Variants in DYNC2H1 observed in about 807,000 individuals in gnomAD.
DYNC2H1 encodes dynein cytoplasmic 2 heavy chain 1.
DYNC2H1 carries 410 observed loss-of-function variants against 570.0 expected under a neutral mutation model. The observed-to-expected ratio is 0.72, with a 90% CI of 0.66 to 0.78. The LOEUF (loss-of-function observed/expected upper bound fraction) is 0.78. Ranked by LOEUF, DYNC2H1 falls within the 30% of genes least tolerant of loss-of-function variation. The pLI is 0.00. For synonymous variants in DYNC2H1, 1,688 were observed against 1,677.6 expected (o/e 1.01, Z -0.15); for missense variants, 4,865 against 5,046.4 (o/e 0.96, Z 1.09).
At chr11:103,449,303 G>GACA (rs1384925878) in intron 85 of DYNC2H1, among the ~76,000 whole-genome samples, 1 of 152,188 alleles carries the variant, frequency 6.6e-6, no homozygotes, top group Non-Finnish European at 1.5e-5. Context: ...CTATCAAAAG[G>GACA]ACACTGACTT....
intron 17 of DYNC2H1, among the ~76,000 whole-genome samples, chr11:103,136,726 T>G (rs1368192011): frequency 1.3e-5 from 2 of 152,078 alleles, no homozygotes; most frequent in Non-Finnish European, 2.9e-5. Context: ...TTTATAGTCC[T>G]TTGGGTATAT....
At chr11:103,410,713 T>A (rs1163957848) in intron 84 of DYNC2H1, among the ~76,000 whole-genome samples, 2 of 152,168 alleles carry the variant, frequency 1.3e-5, no homozygotes, top group Non-Finnish European at 2.9e-5. Flanking sequence ...AGCCTAAGTT[T>A]TTTACAACTT....
chr11:103,375,023 C>A (rs71480487), intron 83 of DYNC2H1, among the ~76,000 whole-genome samples: 614 of 152,324 alleles, frequency 4.0e-3, no homozygotes, highest in Non-Finnish European at 6.6e-3. Context: ...AAAATGGTTT[C>A]TTGGGCCAGG....
At chr11:103,440,852 T>C (rs1466871310) in intron 85 of DYNC2H1, among the ~76,000 whole-genome samples, 2 of 152,120 alleles carry the variant, frequency 1.3e-5, no homozygotes, top group Admixed American at 6.6e-5. Flanking sequence ...CAAAATACAT[T>C]GAGGTACCTT....
intron 29 of DYNC2H1, among the ~76,000 whole-genome samples, chr11:103,161,989 A>G (rs1861112180): frequency 6.6e-6 from 1 of 152,212 alleles, no homozygotes; most frequent in African/African-American, 2.4e-5. Context: ...TTTATTGGAT[A>G]TTGAGTACAT....
chr11:103,271,950 T>C (rs891590405), intron 70 of DYNC2H1, among the ~76,000 whole-genome samples: 1 of 152,130 alleles, frequency 6.6e-6, no homozygotes, highest in Non-Finnish European at 1.5e-5. Flanking sequence ...TGTGGAGAAA[T>C]AGGAATGCTT....
intron 17 of DYNC2H1, among the ~76,000 whole-genome samples, chr11:103,141,477 C>CT (rs1199927177): frequency 6.6e-6 from 1 of 152,194 alleles, no homozygotes; most frequent in African/African-American, 2.4e-5. Context: ...ACTCCAGACC[C>CT]TGTTTGCCTG....
At chr11:103,403,725 T>C (rs1415459013) in intron 84 of DYNC2H1, 1 of 152,026 alleles carries the variant, frequency 6.6e-6, no homozygotes, top group Non-Finnish European at 1.5e-5. Flanking sequence ...AATATACAGA[T>C]GGGTATCTCT....
At chr11:103,297,855 T>TA (rs1460415877) in intron 75 of DYNC2H1, among the ~76,000 whole-genome samples, 1 of 152,124 alleles carries the variant, frequency 6.6e-6, no homozygotes, top group African/African-American at 2.4e-5. Context: ...AGCTCTCAAT[T>TA]ACTGCCATAC....
chr11:103,135,958 A>C lies in DYNC2H1; in HGVS notation c.2574+10A>C, dbSNP rs1859516050. The C allele has an allele frequency of 6.4e-7, 1 of 1,552,938 alleles. No homozygotes were observed. The highest frequency in any genetic ancestry group is 1.4e-5 in the African/African-American group (1 of 73,248). On this transcript the variant is annotated intron_variant, in intron 17 of 88. Transcript: ENST00000375735. ...TTTACACCAACATAAGGTATAGAAC[A>C]TGTAATGTTCCATCCTTCCATCATA...
rs191556816 is a variant in DYNC2H1 at position 103,148,330 on chromosome 11, C to T, written c.2819-160C>T. Among the ~76,000 whole-genome samples the T allele has an allele frequency of 1.2e-4, 18 of 152,170 alleles. No individual in the cohort carries two copies. In the East Asian group the frequency reaches 3.5e-3, roughly 29 times the overall value. On this transcript the variant is annotated intron_variant, in intron 19 of 88. Transcript: ENST00000375735. ...TGGGAAGAAATTTCTTTGCTTATTCCACATCTTGAAATTTTGTTTTATGAA... is the reference window on the plus strand; with the variant it reads ...TGGGAAGAAATTTCTTTGCTTATTCTACATCTTGAAATTTTGTTTTATGAA...
At chr11:103,192,882 TA>T (rs1395712169) in intron 47 of DYNC2H1, among the ~76,000 whole-genome samples, 2 of 152,198 alleles carry the variant, frequency 1.3e-5, no homozygotes, top group East Asian at 3.8e-4. Context: ...TATTTCCTAA[TA>T]AAACTGCTGT....
chr11:103,421,990 A>G (rs975732710), intron 84 of DYNC2H1, among the ~76,000 whole-genome samples: 5 of 152,144 alleles, frequency 3.3e-5, no homozygotes, highest in African/African-American at 1.2e-4. Flanking sequence ...AAACACAATC[A>G]GAAATGATAA....
intron 84 of DYNC2H1, among the ~76,000 whole-genome samples, chr11:103,424,962 G>A (rs191725314): frequency 6.6e-6 from 1 of 152,210 alleles, no homozygotes; most frequent in East Asian, 1.9e-4. Context: ...TAGAGACAGG[G>A]TCTCACTCTG....
chr11:103,227,526 T>A (rs544196631), intron 59 of DYNC2H1, among the ~76,000 whole-genome samples: 25 of 152,284 alleles, frequency 1.6e-4, no homozygotes, highest in Middle Eastern at 6.8e-3. Context: ...CCAGTTTTAT[T>A]CCACAGTGGT....
intron 47 of DYNC2H1, among the ~76,000 whole-genome samples, chr11:103,195,785 T>C (rs686844): frequency 0.6 from 91,039 of 151,962 alleles, 27,571 homozygotes; most frequent in Admixed American, 0.69. Context: ...ATCTAATCCC[T>C]CTATTTATTT....
rs1006344582 is a variant in DYNC2H1 at position 103,334,740 on chromosome 11, G to A, written c.12039+10750G>A. 1.3e-5 allele frequency among the ~76,000 whole-genome samples: 2 copies of A among 152,024 alleles called. No homozygotes were observed. The highest frequency in any genetic ancestry group is 2.9e-5 in the Non-Finnish European group (2 of 67,946). Reference sequence around the variant, plus strand: ...GTAAGCAAATTTCTTAATAATTAAAGTAGAGAGGATTTTTGTTTCATGATA... The same window carrying A: ...GTAAGCAAATTTCTTAATAATTAAAATAGAGAGGATTTTTGTTTCATGATA... On this transcript the variant is annotated intron_variant, in intron 82 of 88. Transcript: ENST00000375735. This position sits in a 1 kb window ranked among gnomAD's most constrained non-coding sequence, Gnocchi z 4.3.
At chr11:103,371,058 C>T (rs1372600822) in intron 83 of DYNC2H1, among the ~76,000 whole-genome samples, 1 of 151,952 alleles carries the variant, frequency 6.6e-6, no homozygotes, top group Non-Finnish European at 1.5e-5. Flanking sequence ...AACTCAAACT[C>T]AACACAGAGA....
At position 103,211,848 on chromosome 11, in the gene DYNC2H1, G is replaced by A. The variant is rs541569386; in HGVS notation, c.8599G>A (p.Ala2867Thr). The A allele has an allele frequency of 2.8e-5, 42 of 1,520,930 alleles. No individual in the cohort carries two copies. In the South Asian group the frequency reaches 5.3e-4, roughly 19 times the overall value. 94.2% of individuals were successfully genotyped at this position (1,520,930 alleles called of 1,614,324 possible). A position where few individuals can be genotyped will look rare whatever the true frequency, so the allele number is the denominator to read the frequency against. ...LIHESCKAYG[A>T]TPSRYMTFLH... The stretch of plus-strand genomic sequence containing the variant: ...CCATGAATCTTGTAAAGCATATGGT[G>A]CTACACCAAGCCGATACATGACCTT... Residue 2867 changes from alanine to threonine, a missense_variant, in exon 54 of 89, where the codon GCT (alanine) becomes ACT (threonine). Around this residue, in one of 5 missense-constraint regions of DYNC2H1, gnomAD observed 2,401 missense variants for 2,454.6 expected, o/e 0.98. Transcript: ENST00000375735.
Sources: allele counts gnomAD v4.1 joint callset (sites outside exome capture counted in the v4.1 genomes callset), GRCh38; gene constraint gnomAD v4.1.1; regional missense constraint gnomAD v4.1.1; non-coding constraint Gnocchi (gnomAD v3.1); transcripts MANE v1.5; gene names NCBI Gene and HGNC (gene_info 2026-07-23, HGNC 2026-07-21).